RCBTB1: variants seen among roughly 807,000 people sequenced by gnomAD.
RCBTB1 encodes RCC1 and BTB domain containing protein 1, also known as RCC1 and BTB domain-containing protein 1.
Under a neutral mutation model 62.4 loss-of-function variants are expected in RCBTB1, and 46 were observed. The observed-to-expected ratio is 0.74, with a 90% CI of 0.58 to 0.94. The LOEUF (loss-of-function observed/expected upper bound fraction) is 0.94. RCBTB1 is among the 40% of genes least tolerant of loss of function. The pLI is 0.00. For missense variants in RCBTB1, 565 were observed against 654.9 expected (o/e 0.86, Z 1.50); for synonymous variants, 222 against 245.8 (o/e 0.90, Z 0.91).
At chr13:49,545,184 C>T (rs907337158) in intron 9 of RCBTB1, among the ~76,000 whole-genome samples, 1 of 151,984 alleles carries the variant, frequency 6.6e-6, no homozygotes, top group Non-Finnish European at 1.5e-5. Context: ...CCTCTCAAAA[C>T]GAGTGGTTCT....
At position 49,555,522 on chromosome 13, in the gene RCBTB1, T is replaced by C. The variant is rs776101316; in HGVS notation, c.596A>G (p.Asn199Ser). The C allele has an allele frequency of 1.3e-5, 21 of 1,613,778 alleles. No individual in the cohort carries two copies. The highest frequency in any genetic ancestry group is 1.6e-4 in the Middle Eastern group (1 of 6,062). Residue 199 changes from asparagine to serine, a missense_variant, in exon 6 of 13, where the codon AAT becomes AGT. Transcript: ENST00000378302. ...GQTSSMAVLD[N>S]GEVYGWGYNG... ...GGAGTGGAGACACCTCACCTCGCCA[T>C]TGTCCAGAACAGCCATGGATGAAGT... is the stretch of plus-strand genomic sequence containing the variant.
chr13:49,564,435 A>C (rs1281332891), intron 4 of RCBTB1, among the ~76,000 whole-genome samples: 2 of 151,422 alleles, frequency 1.3e-5, no homozygotes, highest in Admixed American at 6.6e-5. Context: ...AAGTACAAAA[A>C]TTAGCCGGGG....
intron 2 of RCBTB1, among the ~76,000 whole-genome samples, chr13:49,569,900 C>G (rs1001273275): frequency 6.6e-6 from 1 of 151,836 alleles, no homozygotes; most frequent in Non-Finnish European, 1.5e-5. Flanking sequence ...AGAGGGAGAC[C>G]CTGTCTCAAA....
intron 4 of RCBTB1, among the ~76,000 whole-genome samples, chr13:49,564,534 G>A (rs112448304): frequency 6.5e-5 from 9 of 137,734 alleles, no homozygotes; most frequent in African/African-American, 2.5e-4. Context: ...TGAGTGGGCC[G>A]AGATCATGCC....
rs145228811 is a variant in RCBTB1, at chr13:49,559,924, A to G, written c.438T>C (p.Asp146=). The change falls in exon 5 of 13, where the codon GAT becomes GAC. Residue 146 remains aspartate, a synonymous_variant. Coordinates refer to ENST00000378302, the MANE Select transcript of RCBTB1 (RefSeq NM_018191.4). ...GSHHSMALAA[D]GEVFAWGYNN... The stretch of plus-strand genomic sequence containing the variant: ...ATAAAAGCAGCATACTTACCTCTCC[A>G]TCAGCTGCCAGAGCCATTGAATGAT... 330 of 1,612,518 alleles carry G rather than the reference A, an allele frequency of 2.0e-4. No individual in the cohort carries two copies. The African/African-American group carries it at 3.6e-3, about 17-fold the overall frequency.
chr13:49,571,118 G>C (rs981936502), intron 2 of RCBTB1, among the ~76,000 whole-genome samples: 1 of 152,130 alleles, frequency 6.6e-6, no homozygotes, highest in African/African-American at 2.4e-5. Flanking sequence ...AGGCCGAGGC[G>C]GGCGGACCAC....
rs9535261 is a variant in RCBTB1 at position 49,541,481 on chromosome 13, A to G, written c.1324+195T>C. ...CAGTAACATTAGAACAAAAAAGCCTATGGTCATAAACTAGGTCCAAAACTA... is the reference window on the plus strand; with the variant it reads ...CAGTAACATTAGAACAAAAAAGCCTGTGGTCATAAACTAGGTCCAAAACTA... On this transcript the variant is annotated intron_variant, in intron 11 of 12. Coordinates refer to ENST00000378302, the MANE Select transcript of RCBTB1 (RefSeq NM_018191.4). Among the ~76,000 whole-genome samples the G allele has an allele frequency of 5.9e-3, 894 of 152,300 alleles. 3 individuals carry two copies. The highest frequency in any genetic ancestry group is 0.01 in the Non-Finnish European group (688 of 68,038).
intron 8 of RCBTB1, among the ~76,000 whole-genome samples, chr13:49,550,145 A>C (rs145048168): frequency 6.6e-6 from 1 of 151,974 alleles, no homozygotes; most frequent in Admixed American, 6.6e-5. Flanking sequence ...TACCCGGCTA[A>C]GTTTTGTATT....
chr13:49,572,604 A>G (rs1963483646), intron 2 of RCBTB1, among the ~76,000 whole-genome samples: 1 of 152,134 alleles, frequency 6.6e-6, no homozygotes, highest in African/African-American at 2.4e-5. Flanking sequence ...GGAGTTTGAG[A>G]CCAGACTGGC....
chr13:49,534,002 G>A lies in RCBTB1; in HGVS notation c.*120C>T. ...CTACACAAACAACTGTGTCCCAGAT[G>A]TGGAAAAAAACAACCTGATGGTCTT... On this transcript the variant is annotated 3_prime_UTR_variant, in exon 13 of 13. Coordinates refer to ENST00000378302, the MANE Select transcript of RCBTB1 (RefSeq NM_018191.4). The A allele has an allele frequency of 9.7e-7, 1 of 1,026,810 alleles. No individual in the cohort carries two copies. The allele number at this position is 1,026,810 out of a possible 1,614,324, so 63.6% of individuals were successfully genotyped here. A position where few individuals can be genotyped will look rare whatever the true frequency, so the allele number is the denominator to read the frequency against.
In RCBTB1 at chr13:49,544,864, C is replaced by A; in HGVS notation, c.1046-1G>T. Reference sequence around the variant, plus strand: ...GCAACTGTTAAAAAGTCTTCATGCTCTGAAGGCAACAAACATATATTAATA... The same window carrying A: ...GCAACTGTTAAAAAGTCTTCATGCTATGAAGGCAACAAACATATATTAATA... On this transcript the variant is annotated splice_acceptor_variant, in intron 9 of 12. Transcript: ENST00000378302. LOFTEE classifies it high-confidence loss of function. The A allele has an allele frequency of 6.2e-7, 1 of 1,608,676 alleles. No homozygotes were observed. The highest frequency in any genetic ancestry group is 1.1e-5 in the South Asian group (1 of 90,730).
chr13:49,544,644 C>G, intron 10 of RCBTB1, 93 bp downstream of exon 10: 1 of 1,038,934 alleles, frequency 9.6e-7, no homozygotes, highest in South Asian at 1.6e-5. Context: ...TTTCTCTCTA[C>G]TACCAAGGCT....
rs898048372 is a variant in RCBTB1, at chr13:49,534,299, T to C, written c.1456-37A>G. The C allele has an allele frequency of 3.1e-6, 5 of 1,597,882 alleles. No homozygotes were observed. In the Admixed American group the frequency reaches 6.9e-5, roughly 22 times the overall value. ...ACAAAAATAAAAACAAAAATGGCTT[T>C]TTTAGGCAACTTTGATTGAATTACT... On this transcript the variant is annotated intron_variant, in intron 12 of 12. Transcript: ENST00000378302.
chr13:49,572,397 T>A (rs1963463415), intron 2 of RCBTB1, among the ~76,000 whole-genome samples: 1 of 151,832 alleles, frequency 6.6e-6, no homozygotes, highest in South Asian at 2.1e-4. Context: ...TCTGATATCA[T>A]GACATCTATT....
At chr13:49,571,696 C>T (rs1262298268) in intron 2 of RCBTB1, among the ~76,000 whole-genome samples, 1 of 152,200 alleles carries the variant, frequency 6.6e-6, no homozygotes, top group Non-Finnish European at 1.5e-5. Flanking sequence ...GGGTCCTTAA[C>T]TTGGGCGCGT....
At chr13:49,553,374 C>T (rs948519718) in intron 6 of RCBTB1, among the ~76,000 whole-genome samples, 10 of 152,080 alleles carry the variant, frequency 6.6e-5, no homozygotes, top group African/African-American at 1.9e-4. Context: ...TTTCTTCCCT[C>T]GTTAGCAAAT....
rs1424422478 is a variant in RCBTB1 at position 49,567,298 on chromosome 13, T to C, written c.-19A>G. ...CCACCATGACTCTGGCTTCAAGCAA[T>C]TCCTATAAATAAGCCGACATCTCTG... On this transcript the variant is annotated 5_prime_UTR_variant, in exon 3 of 13. Coordinates refer to ENST00000378302, the MANE Select transcript of RCBTB1 (RefSeq NM_018191.4). 6.2e-7 allele frequency: 1 copy of C among 1,612,318 alleles called. No individual in the cohort carries two copies. Among genetic ancestry groups the C allele is most frequent in the Non-Finnish European group, 8.5e-7 (1 of 1,178,962 alleles).
chr13:49,553,432 T>A (rs765084871), intron 6 of RCBTB1, among the ~76,000 whole-genome samples: 1 of 151,904 alleles, frequency 6.6e-6, no homozygotes, highest in Non-Finnish European at 1.5e-5. Context: ...AGGGGGATCA[T>A]GAGAGGGAAA....
At chr13:49,563,443 A>G (rs1266725950) in intron 4 of RCBTB1, among the ~76,000 whole-genome samples, 1 of 151,098 alleles carries the variant, frequency 6.6e-6, no homozygotes, top group African/African-American at 2.4e-5. Flanking sequence ...TGGGTGGATC[A>G]CCTGAGGTCG....
Sources: gnomAD v4.1 joint callset for allele counts (sites outside exome capture counted in the v4.1 genomes callset) on GRCh38, gnomAD v4.1.1 for gene constraint, MANE v1.5 for transcripts, NCBI Gene and HGNC (gene_info 2026-07-23, HGNC 2026-07-21) for gene names.